Variants in TMEM62 observed in about 807,000 individuals in gnomAD.
TMEM62 encodes the protein transmembrane protein 62.
In TMEM62, 41 loss-of-function variants were observed where a neutral mutation model predicts 70.4. The ratio of observed to expected loss-of-function variants is 0.58; its 90% CI spans 0.45 to 0.76. TMEM62 has a LOEUF of 0.76. Ranked by LOEUF, TMEM62 falls within the 30% of genes least tolerant of loss-of-function variation. The pLI is 0.00. For synonymous variants in TMEM62, 268 were observed against 291.0 expected, an observed-to-expected ratio of 0.92 and a Z score of 0.80; for missense variants, 688 against 788.5, an observed-to-expected ratio of 0.87 and a Z score of 1.53.
At chr15:43,141,531 G>A (rs2036009720) in intron 4 of TMEM62, among the ~76,000 whole-genome samples, 1 of 152,234 alleles carries the variant, frequency 6.6e-6, no homozygotes, top group South Asian at 2.1e-4. Flanking sequence ...CTCTGAGGAA[G>A]ATGTACAAGG....
At chr15:43,172,816 C>A (rs1317759001) in intron 11 of TMEM62, among the ~76,000 whole-genome samples, 3 of 151,938 alleles carry the variant, frequency 2.0e-5, no homozygotes, top group African/African-American at 7.3e-5. Flanking sequence ...AAAATAAAAA[C>A]ATATAGACTA....
intron 8 of TMEM62, 132 bp from the exon 9 acceptor site, chr15:43,154,540 T>G (rs2037804189): frequency 1.5e-6 from 1 of 662,448 alleles, no homozygotes. Context: ...ATATCAATAG[T>G]GGCTCCTGCT....
chr15:43,159,168 C>T (rs1311020066), intron 9 of TMEM62, among the ~76,000 whole-genome samples: 2 of 152,118 alleles, frequency 1.3e-5, no homozygotes, highest in Non-Finnish European at 2.9e-5. Context: ...TTGATACAGG[C>T]ATGCAATGCG....
chr15:43,136,090 T>C (rs1328945970), intron 3 of TMEM62, among the ~76,000 whole-genome samples: 2 of 152,060 alleles, frequency 1.3e-5, no homozygotes, highest in Admixed American at 1.3e-4. Flanking sequence ...GCAAAACTCA[T>C]GCAGACAGAT....
At chr15:43,135,698 T>G in intron 3 of TMEM62, 49 bp downstream of exon 3, 1 of 1,518,766 alleles carries the variant, frequency 6.6e-7, no homozygotes, top group Non-Finnish European at 8.8e-7. Flanking sequence ...TTTTTCCCCC[T>G]TCAGGAACCT....
intron 12 of TMEM62, 73 bp downstream of exon 12, chr15:43,178,784 C>A: frequency 1.2e-6 from 1 of 848,816 alleles, no homozygotes; most frequent in Non-Finnish European, 1.9e-6. Context: ...TAGAATTAGA[C>A]TCTTGAGGGT....
intron 1 of TMEM62, 42 bp from the exon 2 acceptor site, chr15:43,134,215 T>C (rs1246057227): frequency 6.3e-7 from 1 of 1,598,696 alleles, no homozygotes; most frequent in Non-Finnish European, 8.6e-7. Flanking sequence ...ATGCTGCCTC[T>C]TCCTGGCTCA....
At chr15:43,144,401 T>C (rs1044037387) in intron 4 of TMEM62, among the ~76,000 whole-genome samples, 1 of 152,208 alleles carries the variant, frequency 6.6e-6, no homozygotes, top group Non-Finnish European at 1.5e-5. Flanking sequence ...TGGGTAATAG[T>C]TCATAATTCA....
chr15:43,167,988 G>T (rs1443690610), intron 10 of TMEM62, among the ~76,000 whole-genome samples: 1 of 152,108 alleles, frequency 6.6e-6, no homozygotes, highest in African/African-American at 2.4e-5. Flanking sequence ...GTCAGGCGTG[G>T]CGGCGCACGC....
rs756892779 is a variant in TMEM62, at chr15:43,149,146, T to C, written c.861T>C (p.Asn287=). ...TTGAGGTGGGAGACTGGAAGGATAA[T>C]AGGAGGTAAGGGAACCTCCCCATAG... ...LELEVGDWKD[N]RRYRIFAFDH... is the part of the protein sequence containing the mutation. Residue 287 remains asparagine, a synonymous_variant, in exon 7 of 14, where the codon AAT becomes AAC. Transcript: ENST00000260403. 27 of 1,613,846 alleles carry C rather than the reference T, an allele frequency of 1.7e-5. No individual in the cohort carries two copies. In the East Asian group the frequency reaches 5.8e-4, roughly 35 times the overall value.
chr15:43,133,766 G>T lies in TMEM62; in HGVS notation c.-37G>T, dbSNP rs1161893758. On this transcript the variant is annotated 5_prime_UTR_variant, in exon 1 of 14. Transcript: ENST00000260403. Reference sequence around the variant, plus strand: ...CCGGGAGCGCCGCGCGGTCCTGCGCGGGATCAGCGAGGGCCGCGCCCCGGC... The same window carrying T: ...CCGGGAGCGCCGCGCGGTCCTGCGCTGGATCAGCGAGGGCCGCGCCCCGGC... 7 of 1,324,560 alleles carry T rather than the reference G, an allele frequency of 5.3e-6. No individual in the cohort carries two copies. The highest frequency in any genetic ancestry group is 4.0e-5 in the South Asian group (2 of 49,392). 82.1% of individuals were successfully genotyped at this position (1,324,560 alleles called of 1,614,324 possible).
chr15:43,145,291 G>A (rs187082676), intron 4 of TMEM62, among the ~76,000 whole-genome samples: 6 of 143,132 alleles, frequency 4.2e-5, no homozygotes, highest in African/African-American at 1.3e-4. Flanking sequence ...TGCAAGCTCC[G>A]CCTCCCGGGT....
intron 2 of TMEM62, 70 bp downstream of exon 2, chr15:43,134,438 C>A: frequency 7.6e-7 from 1 of 1,313,058 alleles, no homozygotes; most frequent in Non-Finnish European, 1.1e-6. Flanking sequence ...AGGGCTGTGG[C>A]TTTTCATTTT....
chr15:43,165,522 G>A (rs996134253), intron 10 of TMEM62, among the ~76,000 whole-genome samples: 18 of 151,870 alleles, frequency 1.2e-4, no homozygotes, highest in African/African-American at 3.9e-4. Flanking sequence ...TCACAAGGTC[G>A]GGAGATAGAG....
In TMEM62 at chr15:43,137,658, C is replaced by T. The variant is rs139346255; in HGVS notation, c.431-916C>T. Among the ~76,000 whole-genome samples the T allele has an allele frequency of 1.0e-3, 153 of 152,350 alleles. 1 individual carries two copies. The highest frequency in any genetic ancestry group is 3.6e-3 in the African/African-American group (151 of 41,586). On this transcript the variant is annotated intron_variant, in intron 3 of 13. Transcript: ENST00000260403. Reference sequence around the variant, plus strand: ...TCCCACAGATGTGCACCGGGCTGTACTTTGGCTTAAGACTGCAGGTGGACA... The same window carrying T: ...TCCCACAGATGTGCACCGGGCTGTATTTTGGCTTAAGACTGCAGGTGGACA...
chr15:43,170,451 G>A (rs1254759430), intron 11 of TMEM62, among the ~76,000 whole-genome samples: 1 of 152,140 alleles, frequency 6.6e-6, no homozygotes. Flanking sequence ...AGGAATAGAT[G>A]TCATTGTGAA....
At chr15:43,140,492 T>C (rs1036773575) in intron 4 of TMEM62, among the ~76,000 whole-genome samples, 3 of 151,426 alleles carry the variant, frequency 2.0e-5, no homozygotes, top group Non-Finnish European at 2.9e-5. Flanking sequence ...CATCCTGATC[T>C]GAAAGAACTC....
At position 43,168,173 on chromosome 15, in the gene TMEM62, C is replaced by CAGAGAGGGAGAG. The variant is rs1555463238; in HGVS notation, c.1297-1420_1297-1419insAGAGAGGGAGAG. On this transcript the variant is annotated intron_variant, in intron 10 of 13. Coordinates refer to ENST00000260403, the MANE Select transcript of TMEM62 (RefSeq NM_024956.4). ...AGGGAGAGGGAGAGGGAGAGGGAGA[C>CAGAGAGGGAGAG]GGAGACGGAGAGGGAGAGGGAGAGG... Among the ~76,000 whole-genome samples the CAGAGAGGGAGAG allele has an allele frequency of 3.9e-3, 241 of 62,162 alleles. 5 individuals are homozygous for CAGAGAGGGAGAG. Among genetic ancestry groups the CAGAGAGGGAGAG allele is most frequent in the African/African-American group, 0.019 (219 of 11,706 alleles). The allele number at this position is 62,162 out of a possible 152,430, so 40.8% of individuals were successfully genotyped here. A position where few individuals can be genotyped will look rare whatever the true frequency, so the allele number is the denominator to read the frequency against.
chr15:43,142,056 T>C (rs576794723), intron 4 of TMEM62, among the ~76,000 whole-genome samples: 1 of 152,342 alleles, frequency 6.6e-6, no homozygotes, highest in South Asian at 2.1e-4. Context: ...CAACAAAGGA[T>C]TTAGAATTAT....
Sources: gnomAD v4.1 joint callset for allele counts (sites outside exome capture counted in the v4.1 genomes callset) on GRCh38, gnomAD v4.1.1 for gene constraint, MANE v1.5 for transcripts, NCBI Gene and HGNC (gene_info 2026-07-23, HGNC 2026-07-21) for gene names.